The following BRI3BP variants were observed in gnomAD, a reference collection of about 807,000 sequenced individuals.
BRI3BP encodes BRI3-binding protein.
A neutral mutation model predicts 15.8 loss-of-function variants in BRI3BP; 7 were observed. The ratio of observed to expected loss-of-function variants is 0.44; its 90% CI spans 0.25 to 0.83. BRI3BP has a LOEUF of 0.83. Ranked by LOEUF, BRI3BP falls within the 40% of genes least tolerant of loss-of-function variation. The probability of loss-of-function intolerance (pLI) is 0.20; values close to 1 mark genes in which losing one functional copy is unlikely to be tolerated. For synonymous variants in BRI3BP, 192 were observed against 163.5 expected (o/e 1.17, Z -1.33); for missense variants, 320 against 339.3 (o/e 0.94, Z 0.45).
In BRI3BP at chr12:125,025,280, C is replaced by T. The variant is rs757642007; in HGVS notation, c.606C>T (p.Gly202=). ...TCTACTTCATGACCGGGCCCATGGG[C>T]TTCTACTGGCGAAGCAGTCCCAGCG... ...VAVYFMTGPM[G]FYWRSSPSGP... Residue 202 remains glycine, a synonymous_variant, in exon 3 of 3, where the codon GGC becomes GGT. Transcript: ENST00000341446. The T allele has an allele frequency of 6.8e-6, 11 of 1,614,090 alleles. No individual in the cohort carries two copies. Among genetic ancestry groups the T allele is most frequent in the Admixed American group, 6.7e-5 (4 of 60,014 alleles).
chr12:125,010,024 C>A (rs1313211589), intron 1 of BRI3BP, among the ~76,000 whole-genome samples: 3 of 152,014 alleles, frequency 2.0e-5, no homozygotes, highest in African/African-American at 7.2e-5. Context: ...ATCTCTTGAA[C>A]CCAGGAGGCG....
At chr12:125,023,339 T>A (rs1021486376) in intron 2 of BRI3BP, among the ~76,000 whole-genome samples, 3 of 151,834 alleles carry the variant, frequency 2.0e-5, no homozygotes, top group Non-Finnish European at 4.4e-5. Context: ...ATTGTATCCA[T>A]GTTCCAGCAG....
chr12:125,036,997 C>G, the BRI3BP span, among the ~76,000 whole-genome samples: 1 of 152,200 alleles, frequency 6.6e-6, no homozygotes, highest in South Asian at 2.1e-4. Context: ...TATTGTATTA[C>G]AGCATCCTGA....
At chr12:125,049,545 T>G in the BRI3BP span, among the ~76,000 whole-genome samples, 1 of 151,618 alleles carries the variant, frequency 6.6e-6, no homozygotes, top group Non-Finnish European at 1.5e-5. Context: ...GCAGAGCGGG[T>G]GGGGCAGGAC....
At chr12:125,000,308 ATTTTTTT>A (rs35803183) in intron 1 of BRI3BP, among the ~76,000 whole-genome samples, 1 of 92,062 alleles carries the variant, frequency 1.1e-5, no homozygotes, top group Non-Finnish European at 2.1e-5. Flanking sequence ...GTTTCATATG[ATTTTTTT>A]TTTTTTTTTT....
At chr12:124,996,624 C>A (rs537980442) in intron 1 of BRI3BP, among the ~76,000 whole-genome samples, 1 of 152,172 alleles carries the variant, frequency 6.6e-6, no homozygotes, top group African/African-American at 2.4e-5. Context: ...CCGTGCCCAG[C>A]CTGTTTTGTG....
intron 2 of BRI3BP, among the ~76,000 whole-genome samples, chr12:125,022,848 G>A (rs911709640): frequency 1.3e-5 from 2 of 152,064 alleles, no homozygotes; most frequent in Non-Finnish European, 2.9e-5. Flanking sequence ...AATGATGATA[G>A]TATCATGGTT....
chr12:125,000,594 G>A (rs888252036), intron 1 of BRI3BP, among the ~76,000 whole-genome samples: 4 of 152,036 alleles, frequency 2.6e-5, no homozygotes, highest in Admixed American at 6.6e-5. Flanking sequence ...TTACAGGCGT[G>A]AGCCACCACG....
the BRI3BP span, among the ~76,000 whole-genome samples, chr12:125,045,729 C>T: frequency 2.6e-5 from 4 of 152,254 alleles, no homozygotes; most frequent in East Asian, 7.7e-4. Flanking sequence ...TATTGAGTGC[C>T]TACGATTGGC....
chr12:125,041,898 C>T, the BRI3BP span, among the ~76,000 whole-genome samples: 1 of 152,158 alleles, frequency 6.6e-6, no homozygotes, highest in Non-Finnish European at 1.5e-5. Context: ...CTCACTATGT[C>T]GCCTAGGCTG....
At chr12:125,044,033 A>G in the BRI3BP span, among the ~76,000 whole-genome samples, 1 of 152,194 alleles carries the variant, frequency 6.6e-6, no homozygotes, top group Non-Finnish European at 1.5e-5. Context: ...AAAAAAAAAA[A>G]AAAAGGAAAG....
chr12:125,046,108 T>A, the BRI3BP span, among the ~76,000 whole-genome samples: 1 of 151,508 alleles, frequency 6.6e-6, no homozygotes, highest in Non-Finnish European at 1.5e-5. Flanking sequence ...GAGGTTGCAG[T>A]GAGCTGAGAT....
intron 1 of BRI3BP, among the ~76,000 whole-genome samples, chr12:125,004,505 T>C (rs919248973): frequency 3.3e-5 from 5 of 152,222 alleles, no homozygotes; most frequent in African/African-American, 1.2e-4. Context: ...ACTTTATTCT[T>C]TTTATAAGTA....
intron 1 of BRI3BP, among the ~76,000 whole-genome samples, chr12:124,998,107 C>T (rs1295364449): frequency 7.5e-6 from 1 of 132,672 alleles, no homozygotes; most frequent in African/African-American, 2.9e-5. Flanking sequence ...GCCTGGGCAA[C>T]GAGTGAAACT....
intron 1 of BRI3BP, among the ~76,000 whole-genome samples, chr12:125,011,371 G>A (rs1955195410): frequency 6.6e-6 from 1 of 152,164 alleles, no homozygotes; most frequent in South Asian, 2.1e-4. Context: ...TTCATCATGG[G>A]CTCGCTGTTT....
chr12:125,022,820 A>C (rs926581153), intron 2 of BRI3BP, among the ~76,000 whole-genome samples: 1 of 152,060 alleles, frequency 6.6e-6, no homozygotes, highest in African/African-American at 2.4e-5. Flanking sequence ...CCCAGCCTGG[A>C]ATTGTTAATA....
chr12:125,047,211 C>T, the BRI3BP span, among the ~76,000 whole-genome samples: 3 of 151,464 alleles, frequency 2.0e-5, no homozygotes, highest in Non-Finnish European at 4.4e-5. Context: ...TGCAGTGGCG[C>T]GATCTCGGCT....
chr12:125,014,022 C>A (rs993091953), intron 2 of BRI3BP, among the ~76,000 whole-genome samples: 3 of 152,170 alleles, frequency 2.0e-5, no homozygotes, highest in African/African-American at 7.2e-5. Flanking sequence ...CAGGAGCTAA[C>A]CCGGGCAGAG....
intron 1 of BRI3BP, among the ~76,000 whole-genome samples, chr12:125,003,954 AAAACACACACACACACACACACACACAC>A (rs1233055372): frequency 1.1e-5 from 1 of 94,976 alleles, no homozygotes; most frequent in Non-Finnish European, 2.1e-5. Context: ...CTCCATCTCA[AAAACACACACACACACACACACACACAC>A]ACACACACAC....
Sources: allele counts gnomAD v4.1 joint callset (sites outside exome capture counted in the v4.1 genomes callset), GRCh38; gene constraint gnomAD v4.1.1; transcripts MANE v1.5; gene names NCBI Gene and HGNC (gene_info 2026-07-23, HGNC 2026-07-21).